The following NFYA variants were observed in gnomAD, a reference collection of about 807,000 sequenced individuals.
The protein encoded by NFYA is nuclear transcription factor Y subunit alpha.
In NFYA, 28 loss-of-function variants were observed where a neutral mutation model predicts 52.8. The ratio of observed to expected loss-of-function variants is 0.53; its 90% confidence interval spans 0.39 to 0.73. The LOEUF is 0.73. Among genes scored for constraint, NFYA ranks in the 30% least tolerant of loss-of-function variants. The probability of loss-of-function intolerance (pLI) is 0.00; values close to 1 mark genes in which losing one functional copy is unlikely to be tolerated. For synonymous variants in NFYA, 150 were observed against 150.7 expected, an observed-to-expected ratio of 1.00 and a Z score of 0.03; for missense variants, 234 against 427.0, an observed-to-expected ratio of 0.55 and a Z score of 3.98.
intron 9 of NFYA, among the ~76,000 whole-genome samples, chr6:41,097,010 A>G (rs1294798900): frequency 6.6e-6 from 1 of 152,202 alleles, no homozygotes; most frequent in Non-Finnish European, 1.5e-5. Context: ...ACAGCATGAC[A>G]TGGTTTCTCT....
At chr6:41,091,792 A>C in intron 7 of NFYA, 98 bp downstream of exon 7, 2 of 1,374,390 alleles carry the variant, frequency 1.5e-6, no homozygotes, top group Non-Finnish European at 2.0e-6. Context: ...TGGGATTGAG[A>C]TCGATCCTTA....
intron 7 of NFYA, among the ~76,000 whole-genome samples, chr6:41,092,353 C>A (rs1240560154): frequency 6.6e-6 from 1 of 152,082 alleles, no homozygotes; most frequent in Non-Finnish European, 1.5e-5. Context: ...GTAGAGAGAC[C>A]TCGTTTCTAC....
intron 9 of NFYA, among the ~76,000 whole-genome samples, chr6:41,095,070 C>A (rs553955354): frequency 6.6e-6 from 1 of 152,284 alleles, no homozygotes; most frequent in South Asian, 2.1e-4. Context: ...TTCCCTTCTT[C>A]CACTTTTGTT....
At chr6:41,092,147 C>G (rs566377088) in intron 7 of NFYA, among the ~76,000 whole-genome samples, 2 of 152,228 alleles carry the variant, frequency 1.3e-5, no homozygotes, top group African/African-American at 4.8e-5. Context: ...AAAGCTAAAT[C>G]CTCATATGTC....
Position 41,101,652 on chromosome 6 carries a change from G to A in NFYA, c.*4242G>A, listed in dbSNP as rs553238165. 1.3e-5 allele frequency among the ~76,000 whole-genome samples: 2 copies of A among 152,244 alleles called. No individual in the cohort carries two copies. Among genetic ancestry groups the A allele is most frequent in the East Asian group, 3.9e-4 (2 of 5,174 alleles). ...TACTCTGTGTCAGGGATATGAAGAT[G>A]GGTAATACCAGGTGCCTGTCCTCAC... On this transcript the variant is annotated 3_prime_UTR_variant, in exon 10 of 10. Coordinates refer to ENST00000341376, the MANE Select transcript of NFYA (RefSeq NM_002505.5).
chr6:41,084,293 T>G (rs543694310), intron 4 of NFYA, 101 bp downstream of exon 4: 1 of 1,337,070 alleles, frequency 7.5e-7, no homozygotes, highest in Admixed American at 2.4e-5. Flanking sequence ...TTTAACTGCT[T>G]CCTAACCCAC....
At position 41,101,046 on chromosome 6, in the gene NFYA, A is replaced by T. The variant is rs909931703; in HGVS notation, c.*3636A>T. The stretch of plus-strand genomic sequence containing the variant: ...CATGGTGACCGGCGAGCGGCATGCG[A>T]CGCCGCCTCTGTGGCCTGTGGAGGC... On this transcript the variant is annotated 3_prime_UTR_variant, in exon 10 of 10. Coordinates refer to ENST00000341376, the MANE Select transcript of NFYA (RefSeq NM_002505.5). 1 of 152,184 alleles carries T rather than the reference A, an allele frequency of 6.6e-6. No individual in the cohort carries two copies. Among genetic ancestry groups the T allele is most frequent in the Non-Finnish European group, 1.5e-5 (1 of 68,052 alleles). 9.4% of individuals were successfully genotyped at this position (152,184 alleles called of 1,614,324 possible).
At chr6:41,093,593 C>T (rs1208939361) in intron 8 of NFYA, among the ~76,000 whole-genome samples, 1 of 152,148 alleles carries the variant, frequency 6.6e-6, no homozygotes, top group East Asian at 1.9e-4. Context: ...GCCTCAGCCT[C>T]CTGAGTAGCT....
In NFYA at chr6:41,100,816, C is replaced by A. The variant is rs1764478528; in HGVS notation, c.*3406C>A. On this transcript the variant is annotated 3_prime_UTR_variant, in exon 10 of 10. Coordinates refer to ENST00000341376, the MANE Select transcript of NFYA (RefSeq NM_002505.5). ...TTTGCTCCTTTGAAAGCGCAGACCG[C>A]CGCACCTCCAGCCCCTTCTCCCCGG... 6.6e-6 allele frequency among the ~76,000 whole-genome samples: 1 copy of A among 152,330 alleles called. No individual in the cohort carries two copies. The highest frequency in any genetic ancestry group is 1.9e-4 in the East Asian group (1 of 5,182).
intron 4 of NFYA, 149 bp downstream of exon 4, chr6:41,084,341 A>C (rs78645614): frequency 1.1e-6 from 1 of 900,316 alleles, no homozygotes; most frequent in Non-Finnish European, 1.6e-6. Flanking sequence ...TTATAGTACC[A>C]GTGATATAAA....
At chr6:41,076,627 A>G (rs1763739507) in intron 1 of NFYA, among the ~76,000 whole-genome samples, 1 of 152,236 alleles carries the variant, frequency 6.6e-6, no homozygotes. Context: ...AGAATGCACT[A>G]GGAAGAGAAT....
chr6:41,073,275 G>A (rs1047030130), intron 1 of NFYA, among the ~76,000 whole-genome samples, 191 bp downstream of exon 1: 2 of 151,626 alleles, frequency 1.3e-5, no homozygotes, highest in African/African-American at 4.8e-5. Flanking sequence ...CCCGGCCGAG[G>A]CCTGCAGGGG....
intron 1 of NFYA, among the ~76,000 whole-genome samples, chr6:41,078,273 A>G (rs905843866): frequency 3.9e-5 from 6 of 152,332 alleles, no homozygotes; most frequent in Admixed American, 6.5e-5. Flanking sequence ...GCAAATGATT[A>G]ATTCCACCAG....
At chr6:41,097,277 TG>T (rs1436581445) in intron 9 of NFYA, 79 bp from the exon 10 acceptor site, 9 of 1,295,952 alleles carry the variant, frequency 6.9e-6, no homozygotes, top group Non-Finnish European at 8.9e-6. Context: ...TGTATTCTCT[TG>T]GGGGGATAAG....
Position 41,084,048 on chromosome 6 carries a change from C to G in NFYA, c.165C>G (p.Val55=), listed in dbSNP as rs1763979047. Reference sequence around the variant, plus strand: ...GTTCTTATTTTATTTCATTCTAGGTCCAAGGGCAGCCATTAATGGTGCAGG... The same window carrying G: ...GTTCTTATTTTATTTCATTCTAGGTGCAAGGGCAGCCATTAATGGTGCAGG... The part of the protein sequence containing the change: ...SGQQVQTLQV[V]QGQPLMVQVS... Residue 55 remains valine, a splice_region_variant and synonymous_variant, in exon 4 of 10, where the codon GTC becomes GTG. Transcript: ENST00000341376. 6.3e-7 allele frequency: 1 copy of G among 1,599,386 alleles called. No individual in the cohort carries two copies. The highest frequency in any genetic ancestry group is 8.5e-7 in the Non-Finnish European group (1 of 1,174,318).
intron 3 of NFYA, among the ~76,000 whole-genome samples, chr6:41,081,500 A>AG (rs1166473314): frequency 6.6e-6 from 1 of 152,188 alleles, no homozygotes; most frequent in Non-Finnish European, 1.5e-5. Context: ...AAAAAAAAAA[A>AG]AAAGAATTTA....
At chr6:41,090,137 G>T in intron 5 of NFYA, 67 bp from the exon 6 acceptor site, 1 of 1,070,588 alleles carries the variant, frequency 9.3e-7, no homozygotes, top group Non-Finnish European at 1.4e-6. Flanking sequence ...TTTTTTTTAA[G>T]GACTACATCG....
In NFYA at chr6:41,102,269, C is replaced by T. The variant is rs973193772; in HGVS notation, c.*4859C>T. On this transcript the variant is annotated 3_prime_UTR_variant, in exon 10 of 10. Transcript: ENST00000341376. ...TTCAAGTTGCCACTGAAAAGCTAGACCTTTGCCTATTATCTGCTAATCTAC... is the reference window on the plus strand; with the variant it reads ...TTCAAGTTGCCACTGAAAAGCTAGATCTTTGCCTATTATCTGCTAATCTAC... 6.6e-6 allele frequency among the ~76,000 whole-genome samples: 1 copy of T among 152,160 alleles called. No individual in the cohort carries two copies. The highest frequency in any genetic ancestry group is 2.4e-5 in the African/African-American group (1 of 41,436).
intron 4 of NFYA, among the ~76,000 whole-genome samples, chr6:41,086,050 T>G (rs780430946): frequency 1.3e-5 from 2 of 152,242 alleles, no homozygotes; most frequent in African/African-American, 4.8e-5. Flanking sequence ...GCTTTAAATA[T>G]CTTTTCAGCA....
Sources: gnomAD v4.1 joint callset for allele counts (sites outside exome capture counted in the v4.1 genomes callset) on GRCh38, gnomAD v4.1.1 for gene constraint, MANE v1.5 for transcripts, NCBI Gene and HGNC (gene_info 2026-07-23, HGNC 2026-07-21) for gene names.